HIF1AN: variants seen among roughly 807,000 people sequenced by gnomAD.
HIF1AN encodes the protein hypoxia-inducible factor 1-alpha inhibitor.
HIF1AN carries 21 observed loss-of-function variants against 47.7 expected under a neutral mutation model. The observed-to-expected ratio is 0.44, with a 90% CI of 0.31 to 0.63. The LOEUF (loss-of-function observed/expected upper bound fraction) is 0.63. HIF1AN is among the 30% of genes least tolerant of loss of function. HIF1AN has a pLI of 0.07. For missense variants in HIF1AN, 320 were observed against 432.7 expected (o/e 0.74, Z 2.31); for synonymous variants, 152 against 155.9 (o/e 0.98, Z 0.18).
rs965738193 is a variant in HIF1AN, at chr10:100,550,890, G to A, written c.*2753G>A. The A allele has an allele frequency of 2.0e-5, 3 of 152,148 alleles. No homozygotes were observed. The highest frequency in any genetic ancestry group is 6.5e-5 in the Admixed American group (1 of 15,278). The allele number at this position is 152,148 out of a possible 1,614,324, so 9.4% of individuals were successfully genotyped here. ...GGAAAAGATGAGGTTTTTCCCCTTC[G>A]ATTACCTTTTGAGGGATGTTTAGGC... On this transcript the variant is annotated 3_prime_UTR_variant, in exon 8 of 8. Coordinates refer to ENST00000299163, the MANE Select transcript of HIF1AN (RefSeq NM_017902.3).
In HIF1AN at chr10:100,536,480, G is replaced by A. The variant is rs1392608664; in HGVS notation, c.247G>A (p.Glu83Lys). Residue 83 changes from glutamate to lysine, a missense_variant, in exon 2 of 8, where the codon GAG becomes AAG. By Grantham distance (56) the Glu-to-Lys change is moderately conservative. Transcript: ENST00000299163. Reference sequence around the variant, plus strand: ...GAAATGGGACCTTGAATACCTGCAAGAGAATATTGGCAATGGAGACTTCTC... The same window carrying A: ...GAAATGGGACCTTGAATACCTGCAAAAGAATATTGGCAATGGAGACTTCTC... ...ALKWDLEYLQ[E>K]NIGNGDFSVY... The A allele has an allele frequency of 5.0e-6, 8 of 1,613,996 alleles. No homozygotes were observed. The highest frequency in any genetic ancestry group is 6.8e-6 in the Non-Finnish European group (8 of 1,180,028).
In HIF1AN at chr10:100,559,193, AT is replaced by A. The variant is rs976229253; in HGVS notation, c.*11057del. The A allele has an allele frequency of 3.9e-5, 6 of 152,220 alleles. No homozygotes were observed. Among genetic ancestry groups the A allele is most frequent in the African/African-American group, 1.4e-4 (6 of 41,452 alleles). 9.4% of individuals were successfully genotyped at this position (152,220 alleles called of 1,614,324 possible). A position where few individuals can be genotyped will look rare whatever the true frequency, so the allele number is the denominator to read the frequency against. Reference sequence around the variant, plus strand: ...TTTATAAACTTAATTTATTGGAAATATAAGTACTTGATCAGGTTTTGTCTTG... The same window carrying A: ...TTTATAAACTTAATTTATTGGAAATAAAGTACTTGATCAGGTTTTGTCTTG... On this transcript the variant is annotated 3_prime_UTR_variant, in exon 8 of 8. Coordinates refer to ENST00000299163, the MANE Select transcript of HIF1AN (RefSeq NM_017902.3).
Position 100,554,826 on chromosome 10 carries a change from T to A in HIF1AN, c.*6689T>A, listed in dbSNP as rs573107046. 4 of 150,244 alleles carry A rather than the reference T, an allele frequency of 2.7e-5. No homozygotes were observed. The highest frequency in any genetic ancestry group is 2.1e-4 in the South Asian group (1 of 4,730). 9.3% of individuals were successfully genotyped at this position (150,244 alleles called of 1,614,324 possible). On this transcript the variant is annotated 3_prime_UTR_variant, in exon 8 of 8. Transcript: ENST00000299163. The stretch of plus-strand genomic sequence containing the variant: ...CCTCTCAAAAAAAAAAAAAAAAAAT[T>A]ATGAGTATGTTAAGATTGTTCTAGG...
Position 100,536,010 on chromosome 10 carries a change from G to A in HIF1AN, c.52G>A (p.Glu18Lys). Residue 18 changes from glutamate (E) to lysine (K), a missense_variant, in exon 1 of 8, where the codon GAG becomes AAG. By Grantham distance (56) the Glu-to-Lys change is moderately conservative. This residue lies in a region of HIF1AN where 159 missense variants were observed against 159.9 expected (regional missense o/e 0.99). Coordinates refer to ENST00000299163, the MANE Select transcript of HIF1AN (RefSeq NM_017902.3). ...AVASGSGEPR[E>K]EAGALGPAWD... is the part of the protein sequence containing the mutation. ...GGCCTCTGGCTCTGGAGAGCCCCGG[G>A]AGGAGGCTGGAGCCCTCGGCCCCGC... 1.9e-6 allele frequency: 3 copies of A among 1,579,766 alleles called. No individual in the cohort carries two copies. Among genetic ancestry groups the A allele is most frequent in the Non-Finnish European group, 2.6e-6 (3 of 1,164,188 alleles).
At position 100,553,782 on chromosome 10, in the gene HIF1AN, A is replaced by C. The variant is rs967836471; in HGVS notation, c.*5645A>C. 1 of 152,252 alleles carries C rather than the reference A, an allele frequency of 6.6e-6. No homozygotes were observed. The highest frequency in any genetic ancestry group is 2.4e-5 in the African/African-American group (1 of 41,460). 9.4% of individuals were successfully genotyped at this position (152,252 alleles called of 1,614,324 possible). A position where few individuals can be genotyped will look rare whatever the true frequency, so the allele number is the denominator to read the frequency against. On this transcript the variant is annotated 3_prime_UTR_variant, in exon 8 of 8. Transcript: ENST00000299163. ...ACCTCTCTGAGCCTCAGTTTCCTCA[A>C]CTATAATAACATGGGTGGAGGGAGG...
In HIF1AN at chr10:100,555,657, C is replaced by T. The variant is rs1843209016; in HGVS notation, c.*7520C>T. On this transcript the variant is annotated 3_prime_UTR_variant, in exon 8 of 8. Coordinates refer to ENST00000299163, the MANE Select transcript of HIF1AN (RefSeq NM_017902.3). ...CAACCCATCCCTCTGGGCTACAGGC[C>T]ATTCTGTAGTCACCTTGCAGTCACG... 1 of 152,202 alleles carries T rather than the reference C, an allele frequency of 6.6e-6. No individual in the cohort carries two copies. The allele number at this position is 152,202 out of a possible 1,614,324, so 9.4% of individuals were successfully genotyped here.
At chr10:100,544,675 C>G (rs971951582) in intron 3 of HIF1AN, among the ~76,000 whole-genome samples, 1 of 152,180 alleles carries the variant, frequency 6.6e-6, no homozygotes, top group Non-Finnish European at 1.5e-5. Context: ...TTGATGTGCT[C>G]TTGCTTCCAG....
chr10:100,538,106 T>C (rs988913829), intron 2 of HIF1AN, among the ~76,000 whole-genome samples: 12 of 152,246 alleles, frequency 7.9e-5, no homozygotes, highest in African/African-American at 2.9e-4. Flanking sequence ...ATGTGAATCT[T>C]GTGGTTCTTC....
Position 100,557,018 on chromosome 10 carries a change from GA to G in HIF1AN, c.*8885del. ...ATCACAGAAGAGATGACTGGGGCAG[GA>G]AAAGCAAGATGGAAAAGATAAAGTT... On this transcript the variant is annotated 3_prime_UTR_variant, in exon 8 of 8. Transcript: ENST00000299163. 6.6e-6 allele frequency: 1 copy of G among 152,396 alleles called. No individual in the cohort carries two copies. Among genetic ancestry groups the G allele is most frequent in the Non-Finnish European group, 1.5e-5 (1 of 68,084 alleles). The allele number at this position is 152,396 out of a possible 1,614,324, so 9.4% of individuals were successfully genotyped here. A position where few individuals can be genotyped will look rare whatever the true frequency, so the allele number is the denominator to read the frequency against.
At position 100,555,992 on chromosome 10, in the gene HIF1AN, G is replaced by A. The variant is rs1288473143; in HGVS notation, c.*7855G>A. 2 of 152,182 alleles carry A rather than the reference G, an allele frequency of 1.3e-5. No individual in the cohort carries two copies. The highest frequency in any genetic ancestry group is 4.8e-5 in the African/African-American group (2 of 41,448). 9.4% of individuals were successfully genotyped at this position (152,182 alleles called of 1,614,324 possible). On this transcript the variant is annotated 3_prime_UTR_variant, in exon 8 of 8. Transcript: ENST00000299163. ...AAACTTGACTTGTTTATATGTATGGGGAAGACATCATTTACATTGTCAGGG... is the reference window on the plus strand; with the variant it reads ...AAACTTGACTTGTTTATATGTATGGAGAAGACATCATTTACATTGTCAGGG...
At chr10:100,546,096 C>T (rs1254972157) in intron 5 of HIF1AN, 47 bp downstream of exon 5, 7 of 1,270,492 alleles carry the variant, frequency 5.5e-6, no homozygotes, top group Non-Finnish European at 8.0e-6. Flanking sequence ...CTTTCTTTTC[C>T]ATTCCCTGGA....
Position 100,549,479 on chromosome 10 carries a change from A to G in HIF1AN, c.*1342A>G, listed in dbSNP as rs1843133660. 6.6e-6 allele frequency: 1 copy of G among 152,262 alleles called. No individual in the cohort carries two copies. The highest frequency in any genetic ancestry group is 6.5e-5 in the Admixed American group (1 of 15,276). 9.4% of individuals were successfully genotyped at this position (152,262 alleles called of 1,614,324 possible). A position where few individuals can be genotyped will look rare whatever the true frequency, so the allele number is the denominator to read the frequency against. On this transcript the variant is annotated 3_prime_UTR_variant, in exon 8 of 8. Coordinates refer to ENST00000299163, the MANE Select transcript of HIF1AN (RefSeq NM_017902.3). ...CCAGACCCCGTTGTAATGTGCCACA[A>G]CACCCTCAATAGTCAGGGCAACTGG...
chr10:100,547,111 C>A (rs201775574), intron 6 of HIF1AN, 29 bp from the exon 7 acceptor site: 1 of 1,510,604 alleles, frequency 6.6e-7, no homozygotes, highest in Non-Finnish European at 9.2e-7. Context: ...CTGCTAAAGG[C>A]ATTTCCTGAG....
At position 100,545,099 on chromosome 10, in the gene HIF1AN, G is replaced by A. The variant is rs905198193; in HGVS notation, c.723+3G>A. The A allele has an allele frequency of 6.2e-7, 1 of 1,613,908 alleles. No homozygotes were observed. Among genetic ancestry groups the A allele is most frequent in the Non-Finnish European group, 8.5e-7 (1 of 1,179,914 alleles). ...ACCCATGTGACAGACAGAGCCAGGTGAGCTTGTGTGGTCTGAGAAGGGTAT... is the reference window on the plus strand; with the variant it reads ...ACCCATGTGACAGACAGAGCCAGGTAAGCTTGTGTGGTCTGAGAAGGGTAT... On this transcript the variant is annotated splice_donor_region_variant and intron_variant, in intron 4 of 7. Coordinates refer to ENST00000299163, the MANE Select transcript of HIF1AN (RefSeq NM_017902.3).
Position 100,548,933 on chromosome 10 carries a change from A to C in HIF1AN, c.*796A>C, listed in dbSNP as rs1307682430. ...AGCTCTTGCCCCTATGCTGGGTACC[A>C]AGGGAGTTCTCCTAGCTGTGGCTTC... On this transcript the variant is annotated 3_prime_UTR_variant, in exon 8 of 8. Coordinates refer to ENST00000299163, the MANE Select transcript of HIF1AN (RefSeq NM_017902.3). The C allele has an allele frequency of 6.6e-6, 1 of 152,476 alleles. No homozygotes were observed. Among genetic ancestry groups the C allele is most frequent in the Non-Finnish European group, 1.5e-5 (1 of 68,068 alleles). 9.4% of individuals were successfully genotyped at this position (152,476 alleles called of 1,614,324 possible). A position where few individuals can be genotyped will look rare whatever the true frequency, so the allele number is the denominator to read the frequency against.
In HIF1AN at chr10:100,557,853, T is replaced by C. The variant is rs1843227364; in HGVS notation, c.*9716T>C. On this transcript the variant is annotated 3_prime_UTR_variant, in exon 8 of 8. Coordinates refer to ENST00000299163, the MANE Select transcript of HIF1AN (RefSeq NM_017902.3). The stretch of plus-strand genomic sequence containing the variant: ...GTGCCTAGTAAGTGCTCAGTAAATG[T>C]TAGTTTCTTTTCCTCCATTTCTTCT... 2 of 152,230 alleles carry C rather than the reference T, an allele frequency of 1.3e-5. No individual in the cohort carries two copies. Among genetic ancestry groups the C allele is most frequent in the Admixed American group, 1.3e-4 (2 of 15,288 alleles). 9.4% of individuals were successfully genotyped at this position (152,230 alleles called of 1,614,324 possible).
chr10:100,557,726 G>A lies in HIF1AN; in HGVS notation c.*9589G>A, dbSNP rs938108314. 4 of 152,236 alleles carry A rather than the reference G, an allele frequency of 2.6e-5. No individual in the cohort carries two copies. The highest frequency in any genetic ancestry group is 1.9e-4 in the East Asian group (1 of 5,200). The allele number at this position is 152,236 out of a possible 1,614,324, so 9.4% of individuals were successfully genotyped here. A position where few individuals can be genotyped will look rare whatever the true frequency, so the allele number is the denominator to read the frequency against. On this transcript the variant is annotated 3_prime_UTR_variant, in exon 8 of 8. Transcript: ENST00000299163. ...CCCAAAGTGCTGGGATTACAGGTGC[G>A]AGCTACCACACCTGGCCCTGGATTT...
rs538947505 is a variant in HIF1AN at position 100,541,652 on chromosome 10, A to G, written c.577+870A>G. ...GTAGCTGACACTACAGGCGTGTGCC[A>G]CCATACCCGGCTTATGTCGAGTCTT... On this transcript the variant is annotated intron_variant, in intron 3 of 7. Transcript: ENST00000299163. Among the ~76,000 whole-genome samples the G allele has an allele frequency of 1.9e-3, 288 of 152,260 alleles. 4 individuals are homozygous for G. Among genetic ancestry groups the G allele is most frequent in the African/African-American group, 6.6e-3 (273 of 41,548 alleles).
intron 2 of HIF1AN, among the ~76,000 whole-genome samples, chr10:100,539,285 C>CT (rs1013740446): frequency 4.0e-5 from 6 of 151,836 alleles, no homozygotes; most frequent in African/African-American, 1.5e-4. Flanking sequence ...ATGCTTCTGT[C>CT]TTTTTTTTAG....
Sources: allele counts gnomAD v4.1 joint callset (sites outside exome capture counted in the v4.1 genomes callset), GRCh38; gene constraint gnomAD v4.1.1; regional missense constraint gnomAD v4.1.1; transcripts MANE v1.5; gene names NCBI Gene and HGNC (gene_info 2026-07-23, HGNC 2026-07-21).